Variants in DMD observed in about 807,000 individuals in gnomAD.
DMD encodes the protein dystrophin.
Under a neutral mutation model 330.1 loss-of-function variants are expected in DMD, and 63 were observed. The observed-to-expected ratio is 0.19, with a 90% CI of 0.16 to 0.24. DMD has a LOEUF of 0.24. DMD is among the 10% of genes least tolerant of loss of function. The pLI is 1.00. For missense variants in DMD, 3,344 were observed against 2,684.1 expected (o/e 1.25, Z -5.43); for synonymous variants, 1,223 against 959.8 (o/e 1.27, Z -5.07).
chrX:32,513,055 T>C (rs758742954), intron 18 of DMD, among the ~76,000 whole-genome samples: 73 of 112,315 alleles, frequency 6.5e-4, no homozygotes, highest in African/African-American at 2.4e-3. Flanking sequence ...GTTTGGACAA[T>C]GCTATTCTTT....
chrX:32,889,792 CTT>C (rs772647958), intron 2 of DMD, among the ~76,000 whole-genome samples: 3 of 111,052 alleles, frequency 2.7e-5, no homozygotes, highest in Admixed American at 1.9e-4. Context: ...TGGCTGACTC[CTT>C]TTTCAGACTC....
intron 55 of DMD, among the ~76,000 whole-genome samples, chrX:31,539,425 C>G (rs2073655052): frequency 8.9e-6 from 1 of 111,894 alleles, no homozygotes; most frequent in South Asian, 3.7e-4. Flanking sequence ...AATTCTAGCC[C>G]TAAGATTTGC....
chrX:32,308,267 T>C (rs897684540), intron 42 of DMD, among the ~76,000 whole-genome samples: 7 of 111,219 alleles, frequency 6.3e-5, no homozygotes, highest in Admixed American at 1.9e-4. Flanking sequence ...AAAAAAGATG[T>C]ATGTTAAAGC....
intron 50 of DMD, among the ~76,000 whole-genome samples, chrX:31,818,431 T>G (rs1236154435): frequency 1.8e-5 from 2 of 111,643 alleles, no homozygotes; most frequent in Non-Finnish European, 1.9e-5. Flanking sequence ...AGTTACACGT[T>G]AAATGGATTT....
At chrX:31,188,371 T>TAGATTGGA (rs1297789012) in intron 67 of DMD, among the ~76,000 whole-genome samples, 1 of 111,965 alleles carries the variant, frequency 8.9e-6, no homozygotes, top group Non-Finnish European at 1.9e-5. Flanking sequence ...TATATAGGGA[T>TAGATTGGA]AGATTGGAAT....
chrX:32,643,253 G>GT (rs1217950353), intron 11 of DMD, among the ~76,000 whole-genome samples: 3 of 110,367 alleles, frequency 2.7e-5, no homozygotes, highest in African/African-American at 9.9e-5. Flanking sequence ...GCTTAAAAAT[G>GT]TGTTTTTCCC....
intron 44 of DMD, among the ~76,000 whole-genome samples, chrX:32,022,399 C>T (rs755442321): frequency 8.9e-6 from 1 of 112,188 alleles, no homozygotes; most frequent in African/African-American, 3.2e-5. Context: ...GGAACTCAAT[C>T]TGACCATACA....
At position 33,330,076 on chromosome X, in the gene DMD, T is replaced by C. The variant is rs1344287359; in HGVS notation, c.7+9183A>G. ...AGATATATAGATAAATATATACATA[T>C]ATGTGTATATATGCATATCTATATA... On this transcript the variant is annotated intron_variant, in intron 1 of 17. Coordinates refer to the DMD transcript ENST00000288447. Among the ~76,000 whole-genome samples, 15 of 110,856 alleles carry C rather than the reference T, an allele frequency of 1.4e-4. No individual in the cohort carries two copies. In the Admixed American group the frequency reaches 1.5e-3, roughly 11 times the overall value.
intron 55 of DMD, among the ~76,000 whole-genome samples, chrX:31,521,048 G>T (rs766497681): frequency 8.9e-6 from 1 of 111,854 alleles, no homozygotes; most frequent in African/African-American, 3.2e-5. Flanking sequence ...GGTTTGGGAA[G>T]GCTTAGGCCT....
intron 2 of DMD, among the ~76,000 whole-genome samples, chrX:32,969,027 C>CCAAAAAAAA (rs2092280100): frequency 7.6e-4 from 15 of 19,825 alleles, no homozygotes; most frequent in African/African-American, 2.2e-3. Context: ...GATTCTGTCT[C>CCAAAAAAAA]AAAAAAAAAA....
chrX:32,345,203 T>A lies in DMD; in HGVS notation c.5586+740A>T, dbSNP rs1023973961. Among the ~76,000 whole-genome samples the A allele has an allele frequency of 9.9e-5, 11 of 111,376 alleles. 1 individual carries two copies. The East Asian group carries it at 3.1e-3, about 32-fold the overall frequency. On this transcript the variant is annotated intron_variant, in intron 39 of 78. Coordinates refer to ENST00000357033, the MANE Select transcript of DMD (RefSeq NM_004006.3). ...ATCAGCCATGCATGCAAATAGTGAT[T>A]ATTGCAAAGCATATACAAAAAAAAA... is the stretch of plus-strand genomic sequence containing the variant.
intron 47 of DMD, among the ~76,000 whole-genome samples, chrX:31,921,140 G>A (rs995440268): frequency 2.7e-5 from 3 of 110,918 alleles, no homozygotes; most frequent in Non-Finnish European, 3.8e-5. Flanking sequence ...CAGTGTGAAA[G>A]TTTACTTGCT....
At chrX:31,898,903 T>C (rs1200534902) in intron 47 of DMD, among the ~76,000 whole-genome samples, 3 of 111,794 alleles carry the variant, frequency 2.7e-5, no homozygotes, top group Non-Finnish European at 5.7e-5. Flanking sequence ...TAGCTTTGAA[T>C]AAGTTCAGTG....
At chrX:31,969,494 T>G (rs754328482) in intron 44 of DMD, among the ~76,000 whole-genome samples, 1 of 111,216 alleles carries the variant, frequency 9.0e-6, no homozygotes, top group African/African-American at 3.3e-5. Flanking sequence ...CAGAATAATG[T>G]GCGTATGTAG....
At chrX:31,905,779 T>C (rs779059970) in intron 47 of DMD, among the ~76,000 whole-genome samples, 2 of 111,781 alleles carry the variant, frequency 1.8e-5, no homozygotes, top group Non-Finnish European at 3.8e-5. Context: ...TGAAGACATG[T>C]TGGAATTAAC....
chrX:31,867,445 A>G (rs1018321113), intron 48 of DMD, among the ~76,000 whole-genome samples: 3 of 111,276 alleles, frequency 2.7e-5, no homozygotes, highest in African/African-American at 9.8e-5. Context: ...CAATGATCCT[A>G]TTCAGCCAAG....
chrX:32,921,239 C>T (rs1387524647), intron 2 of DMD, among the ~76,000 whole-genome samples: 6 of 111,809 alleles, frequency 5.4e-5, no homozygotes, highest in Non-Finnish European at 1.1e-4. Flanking sequence ...GTTTCTGATA[C>T]CACCTAGAGA....
intron 2 of DMD, among the ~76,000 whole-genome samples, chrX:33,010,400 A>G (rs781324560): frequency 9.2e-6 from 1 of 108,755 alleles, no homozygotes; most frequent in African/African-American, 3.3e-5. Context: ...AAAAATAGGT[A>G]TAGGTTGAGC....
intron 40 of DMD, chrX:32,342,604 C>T (rs961893402): frequency 1.4e-4 from 41 of 291,051 alleles, no homozygotes; most frequent in Non-Finnish European, 2.0e-4. Flanking sequence ...TATTAGGGAC[C>T]GTCCACATAG....
Sources: gnomAD v4.1 joint callset for allele counts (sites outside exome capture counted in the v4.1 genomes callset) on GRCh38, gnomAD v4.1.1 for gene constraint, MANE v1.5 for transcripts, NCBI Gene and HGNC (gene_info 2026-07-23, HGNC 2026-07-21) for gene names.